The following ZNF83 variants were observed in gnomAD, a reference collection of about 807,000 sequenced individuals.
The protein encoded by ZNF83 is zinc finger protein 83, also known as zinc finger protein 816B.
For synonymous variants in ZNF83, 209 were observed against 213.0 expected, an observed-to-expected ratio of 0.98 and a Z score of 0.17; for missense variants, 552 against 629.9, an observed-to-expected ratio of 0.88 and a Z score of 1.32.
chr19:52,646,490 A>T (rs901517467), intron 3 of ZNF83, among the ~76,000 whole-genome samples: 1 of 152,212 alleles, frequency 6.6e-6, no homozygotes, highest in Non-Finnish European at 1.5e-5. Flanking sequence ...TCAAGGCTAC[A>T]GTTAGAGGAG....
At chr19:52,619,936 A>C (rs987721685) in intron 2 of ZNF83, among the ~76,000 whole-genome samples, 1 of 152,056 alleles carries the variant, frequency 6.6e-6, no homozygotes, top group Non-Finnish European at 1.5e-5. Context: ...TGTGGTTCCA[A>C]CTACTTGGGA....
chr19:52,616,504 G>T lies in ZNF83; in HGVS notation c.-233-1707C>A, dbSNP rs536660991. Reference sequence around the variant, plus strand: ...GCCCATCAAGGATATACTGGATAAAGAAAATGTGGCACATATACTGCATGG... The same window carrying T: ...GCCCATCAAGGATATACTGGATAAATAAAATGTGGCACATATACTGCATGG... On this transcript the variant is annotated intron_variant, in intron 2 of 2. Coordinates refer to ENST00000301096, the Ensembl canonical transcript of ZNF83. 2.0e-5 allele frequency among the ~76,000 whole-genome samples: 3 copies of T among 152,286 alleles called. No individual in the cohort carries two copies. The South Asian group carries it at 6.2e-4, about 32-fold the overall frequency.
chr19:52,653,000 C>T (rs1319651118), intron 3 of ZNF83: 2 of 1,364,078 alleles, frequency 1.5e-6, no homozygotes, highest in Non-Finnish European at 2.1e-6. Flanking sequence ...CCAGTATGAA[C>T]TCTCTGATGT....
At chr19:52,659,973 A>G (rs1360112656) in intron 2 of ZNF83, among the ~76,000 whole-genome samples, 7 of 152,098 alleles carry the variant, frequency 4.6e-5, no homozygotes, top group African/African-American at 1.7e-4. Context: ...CGGGCAGATC[A>G]TGAGGTCAGG....
At chr19:52,674,234 A>C (rs2061768849) in intron 1 of ZNF83, 1 of 152,232 alleles carries the variant, frequency 6.6e-6, no homozygotes, top group African/African-American at 2.4e-5. Flanking sequence ...ACTTAGGACC[A>C]TCCTGTCATC....
chr19:52,644,987 G>A (rs1181340407), intron 3 of ZNF83, among the ~76,000 whole-genome samples: 1 of 146,916 alleles, frequency 6.8e-6, no homozygotes, highest in Non-Finnish European at 1.5e-5. Flanking sequence ...TCCAGTCTGG[G>A]CAACAAGAGC....
exon 3 of ZNF83, chr19:52,613,043 C>T: frequency 6.2e-7 from 1 of 1,603,690 alleles, no homozygotes; most frequent in Non-Finnish European, 8.5e-7. Flanking sequence ...TTCTTTCCGG[C>T]ATGAAATCTC....
chr19:52,624,646 C>T (rs1315365677), intron 2 of ZNF83, among the ~76,000 whole-genome samples: 1 of 152,210 alleles, frequency 6.6e-6, no homozygotes, highest in Non-Finnish European at 1.5e-5. Context: ...AGCCGAAGTG[C>T]AGGGTTGTGC....
At chr19:52,680,153 T>G (rs1294928876) in intron 1 of ZNF83, among the ~76,000 whole-genome samples, 3 of 152,172 alleles carry the variant, frequency 2.0e-5, no homozygotes, top group Non-Finnish European at 4.4e-5. Context: ...CACTCCACCC[T>G]GGACAACAAG....
At chr19:52,687,179 C>A in intron 1 of ZNF83, among the ~76,000 whole-genome samples, 1 of 138,668 alleles carries the variant, frequency 7.2e-6, no homozygotes, top group Admixed American at 7.5e-5. Flanking sequence ...AAAACTCCAT[C>A]TCAAAAAAAA....
intron 3 of ZNF83, among the ~76,000 whole-genome samples, chr19:52,643,705 A>G (rs552027219): frequency 5.3e-5 from 8 of 152,118 alleles, no homozygotes; most frequent in Non-Finnish European, 1.2e-4. Context: ...CTGTCTTAAA[A>G]AAGAAAAAAA....
At chr19:52,682,633 T>C (rs1041118636) in intron 1 of ZNF83, among the ~76,000 whole-genome samples, 5 of 151,210 alleles carry the variant, frequency 3.3e-5, no homozygotes, top group Non-Finnish European at 4.4e-5. Flanking sequence ...GCACCACTGC[T>C]CTCCAGCCTA....
At chr19:52,662,104 C>A (rs73586191) in intron 1 of ZNF83, among the ~76,000 whole-genome samples, 2 of 152,194 alleles carry the variant, frequency 1.3e-5, no homozygotes, top group African/African-American at 4.8e-5. Context: ...TTCTCCCACA[C>A]TTCAAAAGAA....
intron 1 of ZNF83, among the ~76,000 whole-genome samples, chr19:52,684,125 C>T (rs2061973861): frequency 6.6e-6 from 1 of 151,990 alleles, no homozygotes; most frequent in Non-Finnish European, 1.5e-5. Flanking sequence ...TCCTAGCACT[C>T]TGGGAGGCCG....
chr19:52,657,515 G>A (rs1263687147), intron 2 of ZNF83, among the ~76,000 whole-genome samples: 3 of 151,396 alleles, frequency 2.0e-5, no homozygotes, highest in Admixed American at 6.6e-5. Flanking sequence ...GTGACAGAGT[G>A]AGACTGTCTC....
intron 3 of ZNF83, among the ~76,000 whole-genome samples, chr19:52,647,827 T>C (rs2147241505): frequency 6.6e-6 from 1 of 151,684 alleles, no homozygotes; most frequent in African/African-American, 2.4e-5. Flanking sequence ...ATCCTCAATC[T>C]CCATATATTT....
Position 52,613,790 on chromosome 19 carries a change from T to TC in ZNF83, c.774dup (p.Lys259GlufsTer6), listed in dbSNP as rs1409930071. ...CCACATACATTACATCTGTAAGGTT[T>TC]CTCTCCAGTATGAATGATCAGATGT... On this transcript the variant is annotated frameshift_variant, in exon 3 of 3. Coordinates refer to ENST00000301096, the Ensembl canonical transcript of ZNF83. LOFTEE classifies it low-confidence loss of function (END_TRUNC). 1.9e-6 allele frequency: 3 copies of TC among 1,613,666 alleles called. No individual in the cohort carries two copies. The African/African-American group carries it at 4.0e-5, about 22-fold the overall frequency.
intron 3 of ZNF83, among the ~76,000 whole-genome samples, chr19:52,648,897 T>C (rs1476969041): frequency 1.3e-5 from 2 of 152,176 alleles, no homozygotes; most frequent in Non-Finnish European, 2.9e-5. Flanking sequence ...CTGACTAGTC[T>C]ATGCATGGCT....
chr19:52,614,584 C>T (rs2060241891), exon 3 of ZNF83: 1 of 1,560,086 alleles, frequency 6.4e-7, no homozygotes, highest in South Asian at 1.2e-5. Context: ...ACCAATGAGA[C>T]TTTCCTTATA....
Sources: allele counts gnomAD v4.1 joint callset (sites outside exome capture counted in the v4.1 genomes callset), GRCh38; gene constraint gnomAD v4.1.1; transcripts MANE v1.5; gene names NCBI Gene and HGNC (gene_info 2026-07-23, HGNC 2026-07-21).